ARB2A: variants seen among roughly 807,000 people sequenced by gnomAD.
The protein encoded by ARB2A is cotranscriptional regulator ARB2A.
the ARB2A span, among the ~76,000 whole-genome samples, chr5:93,779,124 T>TGTGTGTGTGTGTGTGC: frequency 5.9e-4 from 87 of 146,374 alleles, no homozygotes; most frequent in African/African-American, 2.1e-3. Flanking sequence ...TGTGTGTGTG[T>TGTGTGTGTGTGTGTGC]GCGCGCGCGC....
At chr5:94,073,591 G>C in the ARB2A span, among the ~76,000 whole-genome samples, 1 of 152,014 alleles carries the variant, frequency 6.6e-6, no homozygotes, top group Non-Finnish European at 1.5e-5. Flanking sequence ...CACAACTTGG[G>C]AGATCAAATT....
chr5:93,713,514 C>T, the ARB2A span, among the ~76,000 whole-genome samples: 4 of 152,136 alleles, frequency 2.6e-5, no homozygotes, highest in Admixed American at 6.5e-5. Context: ...AGATATCTTA[C>T]TCCAGTTAAA....
chr5:93,722,534 G>GA, the ARB2A span, among the ~76,000 whole-genome samples: 1 of 151,900 alleles, frequency 6.6e-6, no homozygotes, highest in African/African-American at 2.4e-5. Flanking sequence ...TGCTTTAAAA[G>GA]AAAAAAAGCT....
chr5:93,693,423 C>T, the ARB2A span, among the ~76,000 whole-genome samples: 1 of 152,076 alleles, frequency 6.6e-6, no homozygotes, highest in Admixed American at 6.5e-5. Context: ...ATACTATAAA[C>T]ACCTCTACAC....
At chr5:93,963,501 C>G in the ARB2A span, among the ~76,000 whole-genome samples, 1 of 151,744 alleles carries the variant, frequency 6.6e-6, no homozygotes, top group East Asian at 1.9e-4. Context: ...AGGTTACTTA[C>G]GGAAAATCAA....
the ARB2A span, among the ~76,000 whole-genome samples, chr5:93,922,546 G>A: frequency 2.1e-5 from 3 of 144,638 alleles, no homozygotes; most frequent in Admixed American, 6.9e-5. Flanking sequence ...GTGATGGCGG[G>A]TGCCTGTAAT....
At chr5:93,746,169 G>A in the ARB2A span, among the ~76,000 whole-genome samples, 10 of 152,128 alleles carry the variant, frequency 6.6e-5, no homozygotes, top group African/African-American at 2.2e-4. Flanking sequence ...GCAAAGTGAG[G>A]CATCAAAGAT....
the ARB2A span, among the ~76,000 whole-genome samples, chr5:93,826,867 T>C: frequency 2.0e-5 from 3 of 151,454 alleles, no homozygotes; most frequent in Non-Finnish European, 4.4e-5. Flanking sequence ...GTCCTTGTGA[T>C]AGTTTGCTAA....
the ARB2A span, among the ~76,000 whole-genome samples, chr5:94,084,929 C>A: frequency 9.1e-4 from 138 of 152,262 alleles, no homozygotes; most frequent in East Asian, 5.2e-3. Context: ...GGGAAAAATA[C>A]AGGAGACTAC....
At chr5:93,771,205 A>G in the ARB2A span, among the ~76,000 whole-genome samples, 2 of 151,182 alleles carry the variant, frequency 1.3e-5, no homozygotes, top group African/African-American at 2.4e-5. Flanking sequence ...GCAATGGGGA[A>G]AGGATTCCCT....
the ARB2A span, among the ~76,000 whole-genome samples, chr5:93,729,495 C>G: frequency 2.0e-5 from 3 of 152,012 alleles, no homozygotes; most frequent in African/African-American, 7.2e-5. Context: ...GGGAAATGGC[C>G]AAACATTGCT....
At chr5:94,007,380 C>T in the ARB2A span, among the ~76,000 whole-genome samples, 1 of 152,144 alleles carries the variant, frequency 6.6e-6, no homozygotes, top group African/African-American at 2.4e-5. Flanking sequence ...ATATCTTAGA[C>T]TGATCCAGTT....
At chr5:93,621,282 C>A in the ARB2A span, among the ~76,000 whole-genome samples, 1 of 151,570 alleles carries the variant, frequency 6.6e-6, no homozygotes, top group African/African-American at 2.4e-5. Context: ...GCCCGCGCCC[C>A]GCCCCTCAGC....
At chr5:93,644,437 A>G in the ARB2A span, among the ~76,000 whole-genome samples, 1 of 152,198 alleles carries the variant, frequency 6.6e-6, no homozygotes, top group Non-Finnish European at 1.5e-5. Context: ...ACACACACAC[A>G]CACCCCAACT....
the ARB2A span, among the ~76,000 whole-genome samples, chr5:93,773,643 A>G: frequency 6.6e-6 from 1 of 152,102 alleles, no homozygotes; most frequent in East Asian, 1.9e-4. Flanking sequence ...TTTTTTAACC[A>G]ATTCAAGTTT....
chr5:93,800,299 A>C, the ARB2A span, among the ~76,000 whole-genome samples: 2 of 151,806 alleles, frequency 1.3e-5, no homozygotes, highest in South Asian at 4.2e-4. Flanking sequence ...TAAAATCTGC[A>C]AGAATACTTT....
chr5:94,058,912 A>T, the ARB2A span, among the ~76,000 whole-genome samples: 29 of 152,098 alleles, frequency 1.9e-4, no homozygotes, highest in East Asian at 4.3e-3. Context: ...GTTCCCTGAG[A>T]TCTGCTTGCT....
At chr5:94,033,070 T>A in the ARB2A span, among the ~76,000 whole-genome samples, 1 of 152,272 alleles carries the variant, frequency 6.6e-6, no homozygotes, top group South Asian at 2.1e-4. Context: ...CTTCTTCTCT[T>A]CTGCCTGCCA....
chr5:93,928,536 C>T, the ARB2A span, among the ~76,000 whole-genome samples: 3 of 152,256 alleles, frequency 2.0e-5, no homozygotes, highest in African/African-American at 7.2e-5. Context: ...GATATAAACA[C>T]AAGTTATGTG....
Sources: gnomAD v4.1 joint callset for allele counts (sites outside exome capture counted in the v4.1 genomes callset) on GRCh38, gnomAD v4.1.1 for gene constraint, MANE v1.5 for transcripts, NCBI Gene and HGNC (gene_info 2026-07-23, HGNC 2026-07-21) for gene names.